The following AXIN2 variants were observed in gnomAD, a reference collection of about 807,000 sequenced individuals.
AXIN2 encodes the protein axin-2.
Under a neutral mutation model 74.7 loss-of-function variants are expected in AXIN2, and 21 were observed. The ratio of observed to expected loss-of-function variants is 0.28; its 90% CI spans 0.20 to 0.40. AXIN2 has a LOEUF of 0.40. Ranked by LOEUF, AXIN2 falls within the 10% of genes least tolerant of loss-of-function variation. AXIN2 has a pLI of 1.00. For missense variants in AXIN2, 1,144 were observed against 1,111.1 expected (o/e 1.03, Z -0.42); for synonymous variants, 532 against 454.9 (o/e 1.17, Z -2.16).
chr17:65,551,923 G>A (rs2044199409), intron 2 of AXIN2, among the ~76,000 whole-genome samples: 1 of 152,164 alleles, frequency 6.6e-6, no homozygotes, highest in Admixed American at 6.5e-5. Context: ...TGCAGACCAG[G>A]AGCACTGCAC....
intron 3 of AXIN2, among the ~76,000 whole-genome samples, chr17:65,544,281 A>C (rs1475029472): frequency 2.0e-5 from 3 of 151,638 alleles, no homozygotes; most frequent in Non-Finnish European, 4.4e-5. Flanking sequence ...AAAAAAAAAA[A>C]CAGGATGGGG....
At chr17:65,538,085 G>GCATGCGCATGCAGCCCACGCA in intron 5 of AXIN2, 118 bp downstream of exon 5, 1 of 1,550,500 alleles carries the variant, frequency 6.4e-7, no homozygotes, top group Non-Finnish European at 8.7e-7. Flanking sequence ...CAGCCCACGC[G>GCATGCGCATGCAGCCCACGCA]CATGCGCATG....
intron 8 of AXIN2, among the ~76,000 whole-genome samples, chr17:65,536,054 G>A (rs750812055): frequency 3.3e-5 from 5 of 152,218 alleles, no homozygotes; most frequent in Non-Finnish European, 5.9e-5. Context: ...AATGGGATTT[G>A]TAAGCAATTG....
rs781296066 is a variant in AXIN2 at position 65,536,858 on chromosome 17, G to A, written c.1907+11C>T. The A allele has an allele frequency of 6.2e-7, 1 of 1,612,894 alleles. No homozygotes were observed. Among genetic ancestry groups the A allele is most frequent in the Non-Finnish European group, 8.5e-7 (1 of 1,179,894 alleles). On this transcript the variant is annotated intron_variant, in intron 7 of 10. Coordinates refer to ENST00000307078, the MANE Select transcript of AXIN2 (RefSeq NM_004655.4). Reference sequence around the variant, plus strand: ...ACCCTCGCGGCCGCGGCGGCGGCAAGCGGTGTTTACCTATGGGGCTTGGGC... The same window carrying A: ...ACCCTCGCGGCCGCGGCGGCGGCAAACGGTGTTTACCTATGGGGCTTGGGC...
At chr17:65,558,766 G>A in intron 1 of AXIN2, 30 bp from the exon 2 acceptor site, 1 of 838,906 alleles carries the variant, frequency 1.2e-6, no homozygotes, top group Non-Finnish European at 1.9e-6. Context: ...GGGAGGTGGG[G>A]AGAGAGAAAA....
Position 65,533,928 on chromosome 17 carries a change from T to G in AXIN2, c.2389A>C (p.Lys797Gln). Residue 797 changes from lysine to glutamine, a missense_variant, in exon 10 of 11, where the codon AAA becomes CAA. Around this residue, in one of 4 missense-constraint regions of AXIN2, gnomAD observed 65 missense variants for 95.7 expected, o/e 0.68. Coordinates refer to ENST00000307078, the MANE Select transcript of AXIN2 (RefSeq NM_004655.4). ...GACTCTTACCTATAATTTCCCTTTT[T>G]GCTGAGCTGCTCTTTAAAGTGGCCC... ...TLGHFKEQLS[K>Q]KGNYRYYFKK... The G allele has an allele frequency of 6.2e-7, 1 of 1,614,108 alleles. No individual in the cohort carries two copies. The highest frequency in any genetic ancestry group is 2.2e-5 in the East Asian group (1 of 44,880).
intron 6 of AXIN2, 36 bp downstream of exon 6, chr17:65,537,288 C>T: frequency 5.6e-6 from 9 of 1,612,948 alleles, no homozygotes; most frequent in Non-Finnish European, 6.8e-6. Context: ...GGGAGACAAG[C>T]CCCACACGGG....
At chr17:65,534,140 A>G in intron 9 of AXIN2, 61 bp from the exon 10 acceptor site, 1 of 1,586,532 alleles carries the variant, frequency 6.3e-7, no homozygotes, top group Non-Finnish European at 8.7e-7. Context: ...ATCTAAAGCA[A>G]ACACACACGT....
rs964408872 is a variant in AXIN2, at chr17:65,536,217, T to C, written c.2141+103A>G. 102 of 1,223,570 alleles carry C rather than the reference T, an allele frequency of 8.3e-5. 1 individual carries two copies. The South Asian group carries it at 1.2e-3, about 15-fold the overall frequency. 75.8% of individuals were successfully genotyped at this position (1,223,570 alleles called of 1,614,324 possible). The stretch of plus-strand genomic sequence containing the variant: ...GTAATTCTTCTTCTCATGGGAGGGT[T>C]TGAGACCCAGGCAGAAAGAGAGGCC... On this transcript the variant is annotated intron_variant, in intron 8 of 10. Coordinates refer to ENST00000307078, the MANE Select transcript of AXIN2 (RefSeq NM_004655.4).
In AXIN2 at chr17:65,552,695, T is replaced by C. The variant is rs573361219; in HGVS notation, c.816-3035A>G. Reference sequence around the variant, plus strand: ...CAAAGGCACAGTAATTTGGGGGAAATCACAGGAAAATTCCAAGAAAAAACC... The same window carrying C: ...CAAAGGCACAGTAATTTGGGGGAAACCACAGGAAAATTCCAAGAAAAAACC... On this transcript the variant is annotated intron_variant, in intron 2 of 10. Coordinates refer to ENST00000307078, the MANE Select transcript of AXIN2 (RefSeq NM_004655.4). Among the ~76,000 whole-genome samples the C allele has an allele frequency of 5.9e-5, 9 of 151,996 alleles. No individual in the cohort carries two copies. In the East Asian group the frequency reaches 1.7e-3, roughly 29 times the overall value.
chr17:65,550,028 G>T (rs1217644943), intron 2 of AXIN2, among the ~76,000 whole-genome samples: 1 of 152,182 alleles, frequency 6.6e-6, no homozygotes, highest in African/African-American at 2.4e-5. Context: ...CAGTGAAGAT[G>T]AAATATCTTT....
Position 65,535,627 on chromosome 17 carries a change from C to T in AXIN2, c.2236G>A (p.Asp746Asn), listed in dbSNP as rs183475174. ...GTAATGTCAGGTAAAGACACTCACT[C>T]TTCTGGAGCCAGGCTTGGATTGGAG... is the stretch of plus-strand genomic sequence containing the variant. ...PFSNPSLAPEDHKEPKKLAGV... is the reference protein window; with the variant it reads ...PFSNPSLAPENHKEPKKLAGV... The change falls in exon 9 of 11, where the codon GAT becomes AAT. Residue 746 changes from aspartate to asparagine, a missense_variant and splice_region_variant. Around this residue, in one of 4 missense-constraint regions of AXIN2, gnomAD observed 1,053 missense variants for 973.5 expected, o/e 1.08. Transcript: ENST00000307078. The T allele has an allele frequency of 6.2e-7, 1 of 1,614,068 alleles. No homozygotes were observed. Among genetic ancestry groups the T allele is most frequent in the East Asian group, 2.2e-5 (1 of 44,886 alleles).
rs761440645 is a variant in AXIN2 at position 65,536,883 on chromosome 17, C to T, written c.1893G>A (p.Lys631=). ...GCGGTGTTTACCTATGGGGCTTGGG[C>T]TTGCTCTGCCGCTCACTCTCCAGCA... ...QWMLESERQS[K]PKPHSAQSTK... Residue 631 remains lysine (K), a synonymous_variant, in exon 7 of 11, where the codon AAG becomes AAA. Coordinates refer to ENST00000307078, the MANE Select transcript of AXIN2 (RefSeq NM_004655.4). 1 of 1,613,356 alleles carries T rather than the reference C, an allele frequency of 6.2e-7. No homozygotes were observed. The highest frequency in any genetic ancestry group is 1.1e-5 in the South Asian group (1 of 91,056).
rs1296888837 is a variant in AXIN2, at chr17:65,558,742, A to G, written c.-116-6T>C. The G allele has an allele frequency of 1.0e-6, 1 of 995,164 alleles. No homozygotes were observed. The highest frequency in any genetic ancestry group is 1.5e-6 in the Non-Finnish European group (1 of 655,752). 61.6% of individuals were successfully genotyped at this position (995,164 alleles called of 1,614,324 possible). ...GGCTCATCTGAACCTCCTCTCTGGA[A>G]AGAAAAGGAAGGGGGGAGGTGGGGA... On this transcript the variant is annotated splice_polypyrimidine_tract_variant and splice_region_variant and intron_variant, in intron 1 of 10. Coordinates refer to ENST00000307078, the MANE Select transcript of AXIN2 (RefSeq NM_004655.4).
rs1470769065 is a variant in AXIN2 at position 65,537,791 on chromosome 17, C to A, written c.1245G>T (p.Glu415Asp). 1 of 1,588,684 alleles carries A rather than the reference C, an allele frequency of 6.3e-7. No homozygotes were observed. Among genetic ancestry groups the A allele is most frequent in the Non-Finnish European group, 8.6e-7 (1 of 1,167,814 alleles). ...EGSELTLNSR[E>D]GAPTQHPLSL... ...AGAGGGGGTGCTGCGTGGGCGCCCC[C>A]TCCCGCGAATTGAGTGTGAGCTCGG... The change falls in exon 6 of 11, where the codon GAG becomes GAT. Residue 415 changes from glutamate to aspartate, a missense_variant. By Grantham distance (45) the Glu-to-Asp change is conservative. This residue lies in a region of AXIN2 where 1,053 missense variants were observed against 973.5 expected (regional missense o/e 1.08). Transcript: ENST00000307078.
chr17:65,556,467 C>T (rs1027837751), intron 2 of AXIN2, among the ~76,000 whole-genome samples: 1 of 152,196 alleles, frequency 6.6e-6, no homozygotes, highest in Non-Finnish European at 1.5e-5. Context: ...CATAAAGACA[C>T]TGAAACACCT....
At chr17:65,533,835 A>AGG in intron 10 of AXIN2, 77 bp downstream of exon 10, 1 of 663,608 alleles carries the variant, frequency 1.5e-6, no homozygotes, top group Non-Finnish European at 2.5e-6. Flanking sequence ...CTGCTCAGCC[A>AGG]GGGGAGCTGC....
chr17:65,528,641 T>C lies in AXIN2; in HGVS notation c.*1335A>G, dbSNP rs912309170. 1.2e-5 allele frequency: 6 copies of C among 511,874 alleles called. No homozygotes were observed. The highest frequency in any genetic ancestry group is 2.2e-5 in the Non-Finnish European group (6 of 268,122). The allele number at this position is 511,874 out of a possible 1,614,324, so 31.7% of individuals were successfully genotyped here. On this transcript the variant is annotated 3_prime_UTR_variant, in exon 11 of 11. Coordinates refer to ENST00000307078, the MANE Select transcript of AXIN2 (RefSeq NM_004655.4). Reference sequence around the variant, plus strand: ...ATTGTACCAAGTAATTTTCCTTAAATGAACTCTTTATAATGCATAATTTAC... The same window carrying C: ...ATTGTACCAAGTAATTTTCCTTAAACGAACTCTTTATAATGCATAATTTAC...
In AXIN2 at chr17:65,529,226, G is replaced by C. The variant is rs1002113551; in HGVS notation, c.*750C>G. ...GATCAACCTGGGGCCCGAAGGAGCA[G>C]GGTTCCCTGCCTCTCCCTCTGCAAC... On this transcript the variant is annotated 3_prime_UTR_variant, in exon 11 of 11. Transcript: ENST00000307078. The C allele has an allele frequency of 2.1e-5, 5 of 234,716 alleles. No individual in the cohort carries two copies. Among genetic ancestry groups the C allele is most frequent in the African/African-American group, 1.1e-4 (5 of 45,344 alleles). The allele number at this position is 234,716 out of a possible 1,614,324, so 14.5% of individuals were successfully genotyped here. A position where few individuals can be genotyped will look rare whatever the true frequency, so the allele number is the denominator to read the frequency against.
Sources: gnomAD v4.1 joint callset for allele counts (sites outside exome capture counted in the v4.1 genomes callset) on GRCh38, gnomAD v4.1.1 for gene constraint, gnomAD v4.1.1 regional missense constraint, MANE v1.5 for transcripts, NCBI Gene and HGNC (gene_info 2026-07-23, HGNC 2026-07-21) for gene names.